Variants in NCK2 observed in about 807,000 individuals in gnomAD.
The protein encoded by NCK2 is cytoplasmic protein NCK2.
A neutral mutation model predicts 33.9 loss-of-function variants in NCK2; 16 were observed. That is an observed-to-expected ratio of 0.47 (90% CI 0.32 to 0.72). The LOEUF is 0.72. NCK2 is among the 30% of genes least tolerant of loss of function. The probability of loss-of-function intolerance (pLI) is 0.03; values close to 1 mark genes in which losing one functional copy is unlikely to be tolerated. For synonymous variants in NCK2, 273 were observed against 239.9 expected (o/e 1.14, Z -1.27); for missense variants, 418 against 537.3 (o/e 0.78, Z 2.19).
intron 1 of NCK2, among the ~76,000 whole-genome samples, chr2:105,794,823 G>T (rs1691017999): frequency 6.6e-6 from 1 of 152,048 alleles, no homozygotes; most frequent in Non-Finnish European, 1.5e-5. Context: ...CGATTCTCCT[G>T]CCTCAGCCTC....
chr2:105,889,347 A>G (rs911921487), intron 4 of NCK2, among the ~76,000 whole-genome samples: 3 of 152,260 alleles, frequency 2.0e-5, no homozygotes, highest in African/African-American at 7.2e-5. Flanking sequence ...CTTTGCCCAT[A>G]AATGGCATTC....
At position 105,881,696 on chromosome 2, in the gene NCK2, G is replaced by A. The variant is rs1678499550; in HGVS notation, c.595G>A (p.Val199Met). ...TGGCCAGGGCTCCCGCGTGCTGCAT[G>A]TGGTCCAGACGCTGTACCCCTTCAG... ...SNGQGSRVLH[V>M]VQTLYPFSSV... is the part of the protein sequence containing the mutation. Residue 199 changes from valine to methionine, a missense_variant, in exon 4 of 5, where the codon GTG (valine) becomes ATG (methionine). Val to Met is a conservative substitution (Grantham distance 21). Transcript: ENST00000233154. 6.2e-7 allele frequency: 1 copy of A among 1,614,134 alleles called. No individual in the cohort carries two copies. The highest frequency in any genetic ancestry group is 8.5e-7 in the Non-Finnish European group (1 of 1,179,990).
chr2:105,893,485 G>T lies in NCK2; in HGVS notation c.*309G>T. 6.3e-6 allele frequency: 2 copies of T among 315,208 alleles called. No homozygotes were observed. The highest frequency in any genetic ancestry group is 4.2e-5 in the South Asian group (1 of 23,676). The allele number at this position is 315,208 out of a possible 1,614,324, so 19.5% of individuals were successfully genotyped here. On this transcript the variant is annotated 3_prime_UTR_variant, in exon 5 of 5. Transcript: ENST00000233154. Reference sequence around the variant, plus strand: ...TCATGGAACCCCTCTTTAAAAAGACGCAGGGCACCTGTGAGCGCAGGAGCG... The same window carrying T: ...TCATGGAACCCCTCTTTAAAAAGACTCAGGGCACCTGTGAGCGCAGGAGCG...
intron 2 of NCK2, among the ~76,000 whole-genome samples, chr2:105,835,826 T>C (rs553382314): frequency 6.6e-6 from 1 of 151,494 alleles, no homozygotes; most frequent in African/African-American, 2.4e-5. Flanking sequence ...TTTTTTATTC[T>C]TTTTTTCTGA....
intron 1 of NCK2, among the ~76,000 whole-genome samples, chr2:105,806,729 C>T (rs1257819194): frequency 6.6e-6 from 1 of 152,020 alleles, no homozygotes; most frequent in East Asian, 1.9e-4. Flanking sequence ...CACGTTGATT[C>T]AGTGCTTATC....
chr2:105,809,102 A>G (rs1675196640), intron 1 of NCK2, among the ~76,000 whole-genome samples: 1 of 152,210 alleles, frequency 6.6e-6, no homozygotes, highest in Non-Finnish European at 1.5e-5. Context: ...TGAAGAATGA[A>G]TAGGTGTTGA....
chr2:105,835,415 A>ATATATACGTATATATT (rs1676387204), intron 2 of NCK2, among the ~76,000 whole-genome samples: 1 of 119,854 alleles, frequency 8.3e-6, no homozygotes, highest in Non-Finnish European at 1.7e-5. Context: ...ACGTGTATAT[A>ATATATACGTATATATT]TATATATATT....
In NCK2 at chr2:105,790,139, G is replaced by A. The variant is rs150897408; in HGVS notation, c.-200-26291G>A. Among the ~76,000 whole-genome samples the A allele has an allele frequency of 2.7e-3, 407 of 152,290 alleles. 15 individuals are homozygous for A. In the Middle Eastern group the frequency reaches 0.031, roughly 11 times the overall value. On this transcript the variant is annotated intron_variant, in intron 1 of 4. Transcript: ENST00000233154. ...AAGTTGATTTGTGAGCTAAAAATAC[G>A]GGCAGCCGTTTCTTCTTCATCAAAG...
intron 1 of NCK2, among the ~76,000 whole-genome samples, chr2:105,793,858 G>A (rs1481188039): frequency 6.6e-6 from 1 of 152,168 alleles, no homozygotes; most frequent in Non-Finnish European, 1.5e-5. Flanking sequence ...GGGTCTGCGT[G>A]CCTTCAAAGA....
At chr2:105,869,645 A>G (rs1677915514) in intron 3 of NCK2, among the ~76,000 whole-genome samples, 1 of 152,144 alleles carries the variant, frequency 6.6e-6, no homozygotes, top group Admixed American at 6.5e-5. Flanking sequence ...GTCCTGCAGA[A>G]CAGCAGGCGT....
At chr2:105,784,777 C>T (rs184248679) in intron 1 of NCK2, among the ~76,000 whole-genome samples, 2 of 152,306 alleles carry the variant, frequency 1.3e-5, no homozygotes, top group Admixed American at 1.3e-4. Flanking sequence ...CTGTTCCAGG[C>T]CCGTGTTTCC....
intron 3 of NCK2, among the ~76,000 whole-genome samples, chr2:105,880,323 T>C (rs1217036987): frequency 6.6e-6 from 1 of 152,246 alleles, no homozygotes; most frequent in Admixed American, 6.5e-5. Flanking sequence ...AATCACAGTA[T>C]GAAAAAATTT....
intron 3 of NCK2, among the ~76,000 whole-genome samples, chr2:105,860,630 T>C (rs918659773): frequency 6.6e-6 from 1 of 151,750 alleles, no homozygotes; most frequent in Non-Finnish European, 1.5e-5. Context: ...TCACAAACAG[T>C]TGAAGATTTG....
chr2:105,806,488 T>C (rs1675049115), intron 1 of NCK2, among the ~76,000 whole-genome samples: 1 of 152,206 alleles, frequency 6.6e-6, no homozygotes, highest in Admixed American at 6.5e-5. Flanking sequence ...CCACCCCGCG[T>C]TGGCCTCCCA....
chr2:105,779,289 A>AG (rs1314878076), intron 1 of NCK2, among the ~76,000 whole-genome samples: 52 of 125,406 alleles, frequency 4.1e-4, no homozygotes, highest in African/African-American at 1.5e-3. Context: ...CCTGGGCAAC[A>AG]GGGCGAGACT....
chr2:105,797,814 A>G (rs774851851), intron 1 of NCK2, among the ~76,000 whole-genome samples: 3 of 152,164 alleles, frequency 2.0e-5, no homozygotes, highest in Admixed American at 6.5e-5. Flanking sequence ...CTAGAAAACC[A>G]GTTTGTAAAT....
rs1220692215 is a variant in NCK2 at position 105,774,039 on chromosome 2, C to T, written c.-201+28901C>T. Among the ~76,000 whole-genome samples, 11 of 147,790 alleles carry T rather than the reference C, an allele frequency of 7.4e-5. No homozygotes were observed. The East Asian group carries it at 1.2e-3, about 16-fold the overall frequency. Reference sequence around the variant, plus strand: ...TTTTTTTTTTTTTGAGACGGAGTCTCGCCCTGTTGCCCAGGCTGGAGTGCA... The same window carrying T: ...TTTTTTTTTTTTTGAGACGGAGTCTTGCCCTGTTGCCCAGGCTGGAGTGCA... On this transcript the variant is annotated intron_variant, in intron 1 of 4. Transcript: ENST00000233154.
At chr2:105,778,989 T>TA (rs1690399366) in intron 1 of NCK2, among the ~76,000 whole-genome samples, 1 of 152,108 alleles carries the variant, frequency 6.6e-6, no homozygotes, top group South Asian at 2.1e-4. Context: ...TTAAAACAAA[T>TA]AATTGAGAAT....
chr2:105,790,217 G>A (rs779053202), intron 1 of NCK2, among the ~76,000 whole-genome samples: 2 of 152,206 alleles, frequency 1.3e-5, no homozygotes, highest in Non-Finnish European at 2.9e-5. Flanking sequence ...TAGAAATAGT[G>A]TGCATGTCAT....
Sources: gnomAD v4.1 joint callset for allele counts (sites outside exome capture counted in the v4.1 genomes callset) on GRCh38, gnomAD v4.1.1 for gene constraint, MANE v1.5 for transcripts, NCBI Gene and HGNC (gene_info 2026-07-23, HGNC 2026-07-21) for gene names.